SLC25A21: variants seen among roughly 807,000 people sequenced by gnomAD.
SLC25A21 encodes solute carrier family 25 member 21, also known as mitochondrial 2-oxodicarboxylate carrier.
Under a neutral mutation model 43.8 loss-of-function variants are expected in SLC25A21, and 47 were observed. That is an observed-to-expected ratio of 1.07 (90% CI 0.85 to 1.37). SLC25A21 has a LOEUF of 1.37. Ranked by LOEUF, SLC25A21 falls within the 40% of genes most tolerant of loss-of-function variation. The probability of loss-of-function intolerance (pLI) is 0.00; values close to 1 mark genes in which losing one functional copy is unlikely to be tolerated. For synonymous variants in SLC25A21, 131 were observed against 121.3 expected (o/e 1.08, Z -0.52); for missense variants, 352 against 350.2 (o/e 1.00, Z -0.04).
At chr14:36,844,748 C>T (rs1181412779) in intron 2 of SLC25A21, among the ~76,000 whole-genome samples, 1 of 152,152 alleles carries the variant, frequency 6.6e-6, no homozygotes, top group South Asian at 2.1e-4. Context: ...AAAATCTGGA[C>T]AGAGGGTCAT....
At chr14:36,893,683 C>A (rs992098251) in intron 1 of SLC25A21, among the ~76,000 whole-genome samples, 2 of 152,138 alleles carry the variant, frequency 1.3e-5, no homozygotes, top group African/African-American at 4.8e-5. Flanking sequence ...TTAGGTCTAA[C>A]ATTTAAGTCT....
At chr14:36,951,078 C>T (rs886165726) in intron 1 of SLC25A21, among the ~76,000 whole-genome samples, 6 of 152,210 alleles carry the variant, frequency 3.9e-5, no homozygotes, top group Middle Eastern at 3.4e-3. Context: ...CTGAAGTCAA[C>T]CCCATCTGTC....
chr14:36,917,216 AAG>A (rs1378937347), intron 1 of SLC25A21, among the ~76,000 whole-genome samples: 1 of 152,104 alleles, frequency 6.6e-6, no homozygotes, highest in Non-Finnish European at 1.5e-5. Context: ...CCATAGAAGA[AAG>A]AGTTATCAAA....
At chr14:37,030,891 G>C (rs1239075406) in intron 1 of SLC25A21, among the ~76,000 whole-genome samples, 1 of 152,110 alleles carries the variant, frequency 6.6e-6, no homozygotes, top group African/African-American at 2.4e-5. Context: ...GTGGCCCAAG[G>C]AATCAACCCT....
chr14:37,135,072 C>T (rs1371606342), intron 1 of SLC25A21, among the ~76,000 whole-genome samples: 4 of 151,896 alleles, frequency 2.6e-5, no homozygotes, highest in Non-Finnish European at 5.9e-5. Flanking sequence ...AGATTACAGG[C>T]ACACGCCACC....
At chr14:36,969,473 G>C (rs1344843297) in intron 1 of SLC25A21, among the ~76,000 whole-genome samples, 1 of 152,092 alleles carries the variant, frequency 6.6e-6, no homozygotes, top group Non-Finnish European at 1.5e-5. Context: ...GGAACTCCTA[G>C]AAACTCGGTT....
intron 3 of SLC25A21, among the ~76,000 whole-genome samples, chr14:36,737,141 T>C (rs893594512): frequency 6.6e-6 from 1 of 152,174 alleles, no homozygotes; most frequent in Non-Finnish European, 1.5e-5. Flanking sequence ...CAAGAAGACA[T>C]GGGCAAGCAC....
intron 1 of SLC25A21, among the ~76,000 whole-genome samples, chr14:36,922,084 A>G (rs147426179): frequency 2.6e-4 from 40 of 151,782 alleles, no homozygotes; most frequent in African/African-American, 9.4e-4. Flanking sequence ...GGTTGCACTG[A>G]GCCAAGATTG....
intron 1 of SLC25A21, among the ~76,000 whole-genome samples, chr14:37,052,370 C>T (rs6571773): frequency 0.49 from 73,911 of 152,002 alleles, 21,037 homozygotes; most frequent in African/African-American, 0.8. Context: ...AAACTGCAGG[C>T]TCCTGGATGC....
At chr14:37,057,477 A>G (rs1456672468) in intron 1 of SLC25A21, among the ~76,000 whole-genome samples, 1 of 152,208 alleles carries the variant, frequency 6.6e-6, no homozygotes, top group Non-Finnish European at 1.5e-5. Context: ...CTCCCTTTTC[A>G]TACCCTCAAC....
At chr14:36,728,137 A>T (rs1324181332) in intron 5 of SLC25A21, among the ~76,000 whole-genome samples, 1 of 152,176 alleles carries the variant, frequency 6.6e-6, no homozygotes, top group East Asian at 1.9e-4. Context: ...TAGGCTTTTC[A>T]TGTGAGAGCA....
intron 1 of SLC25A21, among the ~76,000 whole-genome samples, chr14:37,167,879 ACT>A (rs10589340): frequency 0.05 from 7,510 of 151,236 alleles, 625 homozygotes; most frequent in African/African-American, 0.17. Context: ...AGCACTCCTG[ACT>A]CTCTAGCTGC....
intron 1 of SLC25A21, among the ~76,000 whole-genome samples, chr14:37,083,703 T>C (rs191724874): frequency 8.3e-4 from 126 of 152,338 alleles, no homozygotes; most frequent in Non-Finnish European, 1.6e-3. Context: ...CAGCAGCACC[T>C]GGGAGCTTGC....
At chr14:36,938,053 T>A in intron 1 of SLC25A21, among the ~76,000 whole-genome samples, 1 of 152,264 alleles carries the variant, frequency 6.6e-6, no homozygotes, top group Middle Eastern at 3.4e-3. Context: ...GTTTGGCTTG[T>A]TTTTTCTTTT....
intron 2 of SLC25A21, among the ~76,000 whole-genome samples, chr14:36,825,352 G>T (rs1165811477): frequency 6.6e-6 from 1 of 152,134 alleles, no homozygotes; most frequent in East Asian, 1.9e-4. Flanking sequence ...AGATCCAGTG[G>T]AAGGGTGTGG....
At chr14:36,737,553 T>C (rs1470894851) in intron 3 of SLC25A21, among the ~76,000 whole-genome samples, 1 of 152,166 alleles carries the variant, frequency 6.6e-6, no homozygotes, top group African/African-American at 2.4e-5. Context: ...AAATGGAAGC[T>C]AGGACTACCT....
chr14:36,725,914 GC>G (rs974300486), intron 5 of SLC25A21, among the ~76,000 whole-genome samples: 2 of 152,042 alleles, frequency 1.3e-5, no homozygotes, highest in Non-Finnish European at 2.9e-5. Context: ...AAATGTCAAA[GC>G]CCCATCAACA....
intron 3 of SLC25A21, among the ~76,000 whole-genome samples, chr14:36,812,533 G>T (rs1056768540): frequency 6.6e-6 from 1 of 151,000 alleles, no homozygotes; most frequent in Admixed American, 6.6e-5. Context: ...TGCAAAGATA[G>T]TATGAAAATA....
intron 3 of SLC25A21, among the ~76,000 whole-genome samples, chr14:36,740,189 T>C (rs1282547391): frequency 1.3e-5 from 2 of 152,212 alleles, no homozygotes; most frequent in African/African-American, 2.4e-5. Flanking sequence ...TCTTAAGCAA[T>C]GCATTTATAA....
Sources: gnomAD v4.1 joint callset for allele counts (sites outside exome capture counted in the v4.1 genomes callset) on GRCh38, gnomAD v4.1.1 for gene constraint, MANE v1.5 for transcripts, NCBI Gene and HGNC (gene_info 2026-07-23, HGNC 2026-07-21) for gene names.